The following SPOCK3 variants were observed in gnomAD, a reference collection of about 807,000 sequenced individuals.
SPOCK3 encodes SPARC (osteonectin), cwcv and kazal like domains proteoglycan 3, also known as testican-3.
In SPOCK3, 30 loss-of-function variants were observed where a neutral mutation model predicts 56.6. The observed-to-expected ratio is 0.53, with a 90% CI of 0.40 to 0.72. The LOEUF is 0.72. Among genes scored for constraint, SPOCK3 ranks in the 30% least tolerant of loss-of-function variants. SPOCK3 has a pLI of 0.00. For missense variants in SPOCK3, 527 were observed against 530.0 expected (o/e 0.99, Z 0.06); for synonymous variants, 196 against 183.3 (o/e 1.07, Z -0.56).
At chr4:166,808,557 C>T (rs1249477313) in intron 6 of SPOCK3, among the ~76,000 whole-genome samples, 1 of 152,002 alleles carries the variant, frequency 6.6e-6, no homozygotes, top group African/African-American at 2.4e-5. Context: ...GCCTTGCACT[C>T]TGATCTCAGA....
chr4:167,044,035 G>A (rs973773084), intron 3 of SPOCK3, among the ~76,000 whole-genome samples: 1 of 151,846 alleles, frequency 6.6e-6, no homozygotes, highest in Non-Finnish European at 1.5e-5. Flanking sequence ...CTTCTTTAAA[G>A]GTTGATTTGA....
intron 6 of SPOCK3, among the ~76,000 whole-genome samples, chr4:166,828,526 C>T (rs1745709399): frequency 6.6e-6 from 1 of 151,828 alleles, no homozygotes; most frequent in Non-Finnish European, 1.5e-5. Context: ...TTACTTTATA[C>T]CCAGAGTTGT....
intron 6 of SPOCK3, among the ~76,000 whole-genome samples, chr4:166,839,672 C>T (rs1747025925): frequency 6.6e-6 from 1 of 152,100 alleles, no homozygotes; most frequent in South Asian, 2.1e-4. Flanking sequence ...GAACTGTGTC[C>T]TCAAGTTCAC....
chr4:166,942,167 T>C (rs1037506651), intron 4 of SPOCK3, among the ~76,000 whole-genome samples: 24 of 152,292 alleles, frequency 1.6e-4, no homozygotes, highest in Admixed American at 6.5e-4. Context: ...AATGCACTAT[T>C]TGAGTATAGG....
At chr4:167,176,730 CAG>C (rs1288751747) in intron 2 of SPOCK3, among the ~76,000 whole-genome samples, 1 of 151,976 alleles carries the variant, frequency 6.6e-6, no homozygotes, top group Non-Finnish European at 1.5e-5. Flanking sequence ...TGGAACTGGA[CAG>C]GGTAGAAATA....
chr4:166,943,477 A>C (rs542508131), intron 4 of SPOCK3, among the ~76,000 whole-genome samples: 2 of 152,348 alleles, frequency 1.3e-5, no homozygotes, highest in South Asian at 4.1e-4. Context: ...ATTTAGTGAA[A>C]GTTTACATTA....
chr4:166,952,957 G>A (rs554199998), intron 4 of SPOCK3, among the ~76,000 whole-genome samples: 21,560 of 146,574 alleles, frequency 0.15, 2,182 homozygotes, highest in African/African-American at 0.32. Flanking sequence ...AGACTTAAAC[G>A]TTAGACCTAA....
intron 2 of SPOCK3, among the ~76,000 whole-genome samples, chr4:167,129,891 T>C (rs1297338756): frequency 6.6e-6 from 1 of 152,234 alleles, no homozygotes; most frequent in African/African-American, 2.4e-5. Flanking sequence ...GCACAGTTTT[T>C]GATTTAATCT....
chr4:166,990,182 T>C (rs1010033717), intron 4 of SPOCK3, among the ~76,000 whole-genome samples: 2 of 152,320 alleles, frequency 1.3e-5, no homozygotes, highest in East Asian at 1.9e-4. Flanking sequence ...CTTTGTTCTA[T>C]GGCTAGCTGT....
At chr4:166,983,431 A>G (rs1217205928) in intron 4 of SPOCK3, among the ~76,000 whole-genome samples, 1 of 151,990 alleles carries the variant, frequency 6.6e-6, no homozygotes, top group Non-Finnish European at 1.5e-5. Context: ...AACATGTCAT[A>G]TTTACCTTCT....
intron 2 of SPOCK3, among the ~76,000 whole-genome samples, chr4:167,169,917 C>T (rs973664316): frequency 2.0e-5 from 3 of 152,096 alleles, no homozygotes; most frequent in Non-Finnish European, 2.9e-5. Flanking sequence ...AGTTCCTCTG[C>T]ACAAGCTCTC....
chr4:167,070,218 C>T (rs187352258), intron 2 of SPOCK3, among the ~76,000 whole-genome samples: 49 of 152,074 alleles, frequency 3.2e-4, no homozygotes, highest in African/African-American at 1.0e-3. Context: ...AGAAGTCCCA[C>T]ACTGAAAGAT....
At chr4:166,840,266 A>G (rs1747099702) in intron 6 of SPOCK3, among the ~76,000 whole-genome samples, 1 of 152,202 alleles carries the variant, frequency 6.6e-6, no homozygotes. Flanking sequence ...TTTTCATAGT[A>G]CTTTGGGACA....
chr4:167,115,788 A>T (rs957218485), intron 2 of SPOCK3, among the ~76,000 whole-genome samples: 11 of 152,046 alleles, frequency 7.2e-5, no homozygotes, highest in Admixed American at 2.0e-4. Flanking sequence ...GACAGGGGAA[A>T]GTTGTTAATA....
At position 166,981,473 on chromosome 4, in the gene SPOCK3, A is replaced by C. The variant is rs1196898234; in HGVS notation, c.350+18876T>G. Among the ~76,000 whole-genome samples the C allele has an allele frequency of 2.6e-5, 4 of 152,172 alleles. No individual in the cohort carries two copies. In the South Asian group the frequency reaches 6.2e-4, roughly 24 times the overall value. ...GCAGGCATGTCATCCCGACAAGTTG[A>C]AGAGACTCTACGTGGGTAGCTCCTT... On this transcript the variant is annotated intron_variant, in intron 4 of 10. Coordinates refer to ENST00000357545, the MANE Select transcript of SPOCK3 (RefSeq NM_001040159.2).
At chr4:166,951,283 A>G (rs1253083859) in intron 4 of SPOCK3, among the ~76,000 whole-genome samples, 2 of 139,838 alleles carry the variant, frequency 1.4e-5, no homozygotes, top group Non-Finnish European at 3.0e-5. Context: ...ACAAACTACC[A>G]TCAGAGATTA....
intron 4 of SPOCK3, among the ~76,000 whole-genome samples, chr4:166,989,314 G>A (rs1260867767): frequency 6.6e-6 from 1 of 151,864 alleles, no homozygotes; most frequent in Non-Finnish European, 1.5e-5. Context: ...CACTACAGAT[G>A]AATATACTTT....
At chr4:167,182,643 G>A (rs1373612976) in intron 2 of SPOCK3, among the ~76,000 whole-genome samples, 1 of 151,878 alleles carries the variant, frequency 6.6e-6, no homozygotes, top group African/African-American at 2.4e-5. Context: ...GGGTTCAAGC[G>A]ATTCTCCTGC....
chr4:167,205,829 TG>T (rs201501525), intron 2 of SPOCK3, among the ~76,000 whole-genome samples: 14,823 of 150,458 alleles, frequency 0.099, 871 homozygotes, highest in African/African-American at 0.16. Flanking sequence ...AGCCTGGTCT[TG>T]GAACTCCTGA....
Sources: allele counts gnomAD v4.1 joint callset (sites outside exome capture counted in the v4.1 genomes callset), GRCh38; gene constraint gnomAD v4.1.1; transcripts MANE v1.5; gene names NCBI Gene and HGNC (gene_info 2026-07-23, HGNC 2026-07-21).